EML6: variants seen among roughly 807,000 people sequenced by gnomAD.
The protein encoded by EML6 is EMAP like 6.
In EML6, 154 loss-of-function variants were observed where a neutral mutation model predicts 240.1. The ratio of observed to expected loss-of-function variants is 0.64; its 90% CI spans 0.56 to 0.73. The LOEUF (loss-of-function observed/expected upper bound fraction) is 0.73. EML6 is among the 30% of genes least tolerant of loss of function. The probability of loss-of-function intolerance (pLI) is 0.00; values close to 1 mark genes in which losing one functional copy is unlikely to be tolerated. For synonymous variants in EML6, 1,148 were observed against 899.0 expected (o/e 1.28, Z -4.95); for missense variants, 2,964 against 2,474.6 (o/e 1.20, Z -4.20).
chr2:54,800,193 C>T (rs1434209579), intron 2 of EML6, among the ~76,000 whole-genome samples: 2 of 151,934 alleles, frequency 1.3e-5, no homozygotes, highest in African/African-American at 2.4e-5. Flanking sequence ...TGCAGTGAGC[C>T]GAGATCACAC....
At chr2:54,890,271 A>G (rs905457042) in intron 17 of EML6, among the ~76,000 whole-genome samples, 1 of 152,182 alleles carries the variant, frequency 6.6e-6, no homozygotes, top group African/African-American at 2.4e-5. Flanking sequence ...CTGTTTGCTA[A>G]TATTTATGAT....
At chr2:54,893,108 C>A (rs1231234572) in intron 19 of EML6, among the ~76,000 whole-genome samples, 1 of 152,170 alleles carries the variant, frequency 6.6e-6, no homozygotes, top group Non-Finnish European at 1.5e-5. Context: ...TGTAGAAAGG[C>A]TCAGCTTTAA....
At chr2:54,733,745 C>G (rs1169777890) in intron 2 of EML6, among the ~76,000 whole-genome samples, 1 of 152,156 alleles carries the variant, frequency 6.6e-6, no homozygotes, top group Non-Finnish European at 1.5e-5. Context: ...ATTCCAAATT[C>G]CCAGGAAAGA....
chr2:54,766,005 C>A (rs1019548332), intron 2 of EML6, among the ~76,000 whole-genome samples: 2 of 152,080 alleles, frequency 1.3e-5, no homozygotes, highest in African/African-American at 4.8e-5. Context: ...CTCTTATTCT[C>A]TCTCCCTTCT....
chr2:54,954,108 G>A lies in EML6; in HGVS notation c.4438G>A (p.Val1480Met). The A allele has an allele frequency of 6.4e-7, 1 of 1,551,680 alleles. No homozygotes were observed. The highest frequency in any genetic ancestry group is 8.7e-7 in the Non-Finnish European group (1 of 1,146,998). Residue 1480 changes from valine (V) to methionine (M), a missense_variant, in exon 32 of 42, where the codon GTG (valine) becomes ATG (methionine). Transcript: ENST00000356458. ...TGCAACTGGAAAGCTCCTGGTGTCG[G>A]TGGGAGTGGACCCTGAGCACACCAT... ...FSATGKLLVS[V>M]GVDPEHTITV... is the part of the protein sequence containing the mutation.
intron 2 of EML6, among the ~76,000 whole-genome samples, chr2:54,767,768 C>T (rs1404502985): frequency 6.6e-6 from 1 of 152,018 alleles, no homozygotes; most frequent in Non-Finnish European, 1.5e-5. Context: ...TTGCTGCATG[C>T]TCCACCATGC....
At chr2:54,838,879 T>C (rs932044620) in intron 7 of EML6, among the ~76,000 whole-genome samples, 2 of 152,210 alleles carry the variant, frequency 1.3e-5, no homozygotes, top group African/African-American at 2.4e-5. Context: ...GTAACAATGA[T>C]GTGTATTTCT....
chr2:54,795,948 G>C (rs1462352254), intron 2 of EML6, among the ~76,000 whole-genome samples: 1 of 152,014 alleles, frequency 6.6e-6, no homozygotes, highest in Non-Finnish European at 1.5e-5. Context: ...TCACTGGTGG[G>C]CTACAACTGT....
intron 13 of EML6, among the ~76,000 whole-genome samples, chr2:54,865,444 A>G (rs1461796250): frequency 6.6e-6 from 1 of 152,236 alleles, no homozygotes; most frequent in African/African-American, 2.4e-5. Context: ...AGTCTGGGCA[A>G]CAGAGCAAGA....
chr2:54,881,152 A>G (rs1175504547), intron 17 of EML6: 3 of 152,200 alleles, frequency 2.0e-5, no homozygotes, highest in African/African-American at 7.2e-5. Flanking sequence ...GATTGACATT[A>G]GCCAGTGCTG....
intron 2 of EML6, among the ~76,000 whole-genome samples, chr2:54,781,536 A>G (rs1668857373): frequency 6.6e-6 from 1 of 152,212 alleles, no homozygotes; most frequent in African/African-American, 2.4e-5. Context: ...AATTGTATCT[A>G]GACAGTACTG....
chr2:54,875,688 C>G (rs1671469688), intron 16 of EML6, among the ~76,000 whole-genome samples: 1 of 152,134 alleles, frequency 6.6e-6, no homozygotes, highest in Admixed American at 6.6e-5. Flanking sequence ...GCTACAAGGA[C>G]AAGAAGGAAT....
chr2:54,894,203 GA>G (rs1167812213), intron 19 of EML6, among the ~76,000 whole-genome samples: 3,598 of 109,240 alleles, frequency 0.033, 120 homozygotes, highest in African/African-American at 0.1. Flanking sequence ...TTTTTTCTTA[GA>G]AAAAAAAAAA....
chr2:54,853,745 C>G lies in EML6; in HGVS notation c.1547C>G (p.Thr516Ser), dbSNP rs1241782908. 1.3e-6 allele frequency: 2 copies of G among 1,551,626 alleles called. No homozygotes were observed. Among genetic ancestry groups the G allele is most frequent in the Non-Finnish European group, 1.7e-6 (2 of 1,146,918 alleles). Residue 516 changes from threonine to serine, a missense_variant, in exon 11 of 42, where the codon ACT becomes AGT. Thr to Ser is a moderately conservative substitution (Grantham distance 58). Transcript: ENST00000356458. ...PEVSGIWPKY[T>S]EVTDINSVDA... Reference sequence around the variant, plus strand: ...GTGAGTGGAATTTGGCCCAAATACACTGAGGTTACTGACATCAACTCAGTG... The same window carrying G: ...GTGAGTGGAATTTGGCCCAAATACAGTGAGGTTACTGACATCAACTCAGTG...
chr2:54,916,761 C>G lies in EML6; in HGVS notation c.3501C>G (p.Ile1167Met), dbSNP rs757317097. The part of the protein sequence containing the change: ...GKRHIIRPSE[I>M]EKIEWDTWTC... ...CATTCTCTTTCGTTCTTTTTCAGAT[C>G]GAGAAGATAGAGTGGGACACATGGA... Residue 1167 changes from isoleucine (I) to methionine (M), a missense_variant and splice_region_variant, in exon 26 of 42, where the codon ATC (isoleucine) becomes ATG (methionine). Coordinates refer to ENST00000356458, the MANE Select transcript of EML6 (RefSeq NM_001039753.4). 25 of 1,485,710 alleles carry G rather than the reference C, an allele frequency of 1.7e-5. No homozygotes were observed. Among genetic ancestry groups the G allele is most frequent in the Non-Finnish European group, 2.3e-5 (25 of 1,103,984 alleles). The allele number at this position is 1,485,710 out of a possible 1,614,324, so 92.0% of individuals were successfully genotyped here. A position where few individuals can be genotyped will look rare whatever the true frequency, so the allele number is the denominator to read the frequency against.
At chr2:54,964,940 A>AAATTTT (rs1676682343) in intron 38 of EML6, among the ~76,000 whole-genome samples, 1 of 152,258 alleles carries the variant, frequency 6.6e-6, no homozygotes, top group African/African-American at 2.4e-5. Context: ...AATAGAATTT[A>AAATTTT]AAATAATAAA....
chr2:54,852,810 A>G (rs1375262531), intron 10 of EML6, among the ~76,000 whole-genome samples: 3 of 152,200 alleles, frequency 2.0e-5, no homozygotes, highest in Non-Finnish European at 4.4e-5. Context: ...GTTAGGTAAT[A>G]TGCTTAAATG....
intron 7 of EML6, among the ~76,000 whole-genome samples, chr2:54,839,948 G>A (rs1237555252): frequency 6.6e-6 from 1 of 152,144 alleles, no homozygotes; most frequent in Non-Finnish European, 1.5e-5. Context: ...CAGGTTGTGG[G>A]TTATTATAAT....
At chr2:54,841,207 A>G (rs1231404612) in intron 7 of EML6, among the ~76,000 whole-genome samples, 1 of 152,234 alleles carries the variant, frequency 6.6e-6, no homozygotes, top group East Asian at 1.9e-4. Context: ...TTCACCATAC[A>G]TCTGTCCTTC....
Sources: gnomAD v4.1 joint callset for allele counts (sites outside exome capture counted in the v4.1 genomes callset) on GRCh38, gnomAD v4.1.1 for gene constraint, MANE v1.5 for transcripts, NCBI Gene and HGNC (gene_info 2026-07-23, HGNC 2026-07-21) for gene names.